The following CUX1 variants were observed in gnomAD, a reference collection of about 807,000 sequenced individuals.
CUX1 encodes protein CASP.
A neutral mutation model predicts 158.8 loss-of-function variants in CUX1; 31 were observed. The observed-to-expected ratio is 0.20, with a 90% CI of 0.15 to 0.26. The LOEUF is 0.26. Among genes scored for constraint, CUX1 ranks in the 10% least tolerant of loss-of-function variants. The probability of loss-of-function intolerance (pLI) is 1.00; values close to 1 mark genes in which losing one functional copy is unlikely to be tolerated. For missense variants in CUX1, 1,589 were observed against 2,014.6 expected (o/e 0.79, Z 4.04); for synonymous variants, 879 against 862.1 (o/e 1.02, Z -0.34).
At position 102,228,649 on chromosome 7, in the gene CUX1, A is replaced by C. The variant is rs548847813; in HGVS notation, c.3433+980A>C. On this transcript the variant is annotated intron_variant, in intron 21 of 23. Coordinates refer to ENST00000292535, the MANE Select transcript of CUX1 (RefSeq NM_181552.4). The stretch of plus-strand genomic sequence containing the variant: ...CCCTATCTCTACAAAAAATGTAAAA[A>C]TTAGCCGGGTATGGTGGTGCACGCC... 4.8e-4 allele frequency among the ~76,000 whole-genome samples: 73 copies of C among 152,240 alleles called. 2 individuals are homozygous for C. In the South Asian group the frequency reaches 0.013, roughly 28 times the overall value.
chr7:102,089,012 G>A lies in CUX1; in HGVS notation c.269-8352G>A, dbSNP rs141054842. Among the ~76,000 whole-genome samples, 435 of 151,932 alleles carry A rather than the reference G, an allele frequency of 2.9e-3. 3 individuals carry two copies. Among genetic ancestry groups the A allele is most frequent in the African/African-American group, 0.01 (424 of 41,432 alleles). On this transcript the variant is annotated intron_variant, in intron 4 of 23. Transcript: ENST00000292535. ...TAATTTTGTTTCATAGGTTGCCGAG[G>A]GTTTACTAACTTTTTTTTTCAATCT...
intron 1 of CUX1, among the ~76,000 whole-genome samples, chr7:101,857,844 T>G (rs1045260300): frequency 3.3e-5 from 5 of 152,126 alleles, no homozygotes; most frequent in African/African-American, 1.2e-4. Flanking sequence ...CAGTAAGGGC[T>G]GGGGGTGGTG....
rs548008696 is a variant in CUX1, at chr7:101,949,145, A to G, written c.141+32920A>G. Among the ~76,000 whole-genome samples, 10 of 151,880 alleles carry G rather than the reference A, an allele frequency of 6.6e-5. No homozygotes were observed. In the East Asian group the frequency reaches 1.9e-3, roughly 29 times the overall value. ...ATTGGTCATTATTATTATTATTATT[A>G]TTTTGAGACAGAGTCTCACTCTGTC... On this transcript the variant is annotated intron_variant, in intron 2 of 23. Transcript: ENST00000292535.
At chr7:102,178,953 C>T (rs576133456) in intron 11 of CUX1, among the ~76,000 whole-genome samples, 1 of 152,366 alleles carries the variant, frequency 6.6e-6, no homozygotes, top group Admixed American at 6.5e-5. Context: ...CAGCCTCCGC[C>T]TCCCAGGTTC....
intron 11 of CUX1, 40 bp from the exon 12 acceptor site, chr7:102,189,773 G>C: frequency 6.2e-7 from 1 of 1,610,336 alleles, no homozygotes; most frequent in East Asian, 2.2e-5. Flanking sequence ...TCGACCTGTT[G>C]TCAGGCATGG....
At chr7:102,000,431 G>A (rs1356126421) in intron 2 of CUX1, among the ~76,000 whole-genome samples, 1 of 152,174 alleles carries the variant, frequency 6.6e-6, no homozygotes, top group Non-Finnish European at 1.5e-5. Context: ...TTTCTCATCC[G>A]CCTCTTGTGG....
chr7:101,924,492 C>G (rs117341226), intron 2 of CUX1, among the ~76,000 whole-genome samples: 1 of 151,894 alleles, frequency 6.6e-6, no homozygotes, highest in Non-Finnish European at 1.5e-5. Flanking sequence ...TGAGGGTGAT[C>G]GTTGTAACCC....
At chr7:102,122,569 T>C (rs1311441804) in intron 8 of CUX1, among the ~76,000 whole-genome samples, 2 of 152,058 alleles carry the variant, frequency 1.3e-5, no homozygotes, top group Admixed American at 6.6e-5. Context: ...CCCCTCTGAA[T>C]AGTACAACCA....
chr7:102,097,153 C>T (rs1011867080), intron 4 of CUX1, among the ~76,000 whole-genome samples: 3 of 152,258 alleles, frequency 2.0e-5, no homozygotes, highest in African/African-American at 7.2e-5. Flanking sequence ...CCCATTTTCA[C>T]ACCTCGAGGA....
intron 1 of CUX1, among the ~76,000 whole-genome samples, chr7:101,904,713 C>T (rs1027272983): frequency 2.6e-5 from 4 of 151,884 alleles, no homozygotes; most frequent in Admixed American, 2.6e-4. Context: ...AGATTGCAGG[C>T]GCCCACCACC....
chr7:102,162,806 A>G (rs536985886), intron 9 of CUX1, among the ~76,000 whole-genome samples: 1 of 152,104 alleles, frequency 6.6e-6, no homozygotes, highest in African/African-American at 2.4e-5. Context: ...ATCAGCCACC[A>G]TGCCCAGCCA....
chr7:101,999,322 A>G (rs928046899), intron 2 of CUX1, among the ~76,000 whole-genome samples: 1 of 142,448 alleles, frequency 7.0e-6, no homozygotes, highest in Admixed American at 7.5e-5. Flanking sequence ...TCCCAAAGTG[A>G]TGGGATTACA....
chr7:101,923,341 G>C (rs1436672686), intron 2 of CUX1, among the ~76,000 whole-genome samples: 1 of 152,178 alleles, frequency 6.6e-6, no homozygotes, highest in East Asian at 1.9e-4. Flanking sequence ...GTTTTGTTCT[G>C]CTTCTTTTCA....
At chr7:101,913,743 T>A (rs945060921) in intron 1 of CUX1, among the ~76,000 whole-genome samples, 4 of 152,260 alleles carry the variant, frequency 2.6e-5, no homozygotes, top group East Asian at 3.9e-4. Context: ...TTCCATGCAG[T>A]GGGGGAAGTA....
chr7:102,218,062 C>T (rs2132245877), intron 20 of CUX1, among the ~76,000 whole-genome samples: 1 of 152,334 alleles, frequency 6.6e-6, no homozygotes, highest in African/African-American at 2.4e-5. Flanking sequence ...GCAGCAGGGA[C>T]CTGTCACACC....
intron 1 of CUX1, among the ~76,000 whole-genome samples, chr7:101,900,324 G>C (rs559995323): frequency 1.3e-5 from 2 of 152,184 alleles, no homozygotes; most frequent in Non-Finnish European, 2.9e-5. Context: ...CAGCGGTACC[G>C]GTGCCAGGAG....
intron 2 of CUX1, among the ~76,000 whole-genome samples, chr7:101,918,523 A>G (rs556399228): frequency 2.1e-4 from 32 of 152,334 alleles, no homozygotes; most frequent in African/African-American, 7.5e-4. Context: ...TGACCCCGCC[A>G]CTGCCAGTGG....
rs782052969 is a variant in CUX1 at position 102,201,643 on chromosome 7, G to A, written c.2346G>A (p.Pro782=). 1.9e-5 allele frequency: 30 copies of A among 1,613,352 alleles called. No homozygotes were observed. The highest frequency in any genetic ancestry group is 8.3e-5 in the Admixed American group (5 of 59,992). The change falls in exon 18 of 24, where the codon CCG becomes CCA. Residue 782 remains proline, a synonymous_variant. Transcript: ENST00000292535. The surrounding 1 kb of genome is among the most constrained non-coding windows in gnomAD (Gnocchi z 5.0). The part of the protein sequence containing the change: ...EAGASALPNP[P]ALKKEAQDAP... ...GTGCCTCTGCTCTGCCGAACCCCCC[G>A]GCCCTCAAAAAGGAGGCCCAGGACG... is the stretch of plus-strand genomic sequence containing the variant.
At chr7:102,224,584 G>A (rs1361661667) in intron 20 of CUX1, among the ~76,000 whole-genome samples, 1 of 152,208 alleles carries the variant, frequency 6.6e-6, no homozygotes, top group Non-Finnish European at 1.5e-5. Flanking sequence ...GGCTCGGACA[G>A]GGCTTTGATC....
Sources: gnomAD v4.1 joint callset for allele counts (sites outside exome capture counted in the v4.1 genomes callset) on GRCh38, gnomAD v4.1.1 for gene constraint, Gnocchi (gnomAD v3.1) non-coding constraint, MANE v1.5 for transcripts, NCBI Gene and HGNC (gene_info 2026-07-23, HGNC 2026-07-21) for gene names.